The following CSNK1D variants were observed in gnomAD, a reference collection of about 807,000 sequenced individuals.
CSNK1D encodes the protein casein kinase I isoform delta.
A neutral mutation model predicts 46.6 loss-of-function variants in CSNK1D; 16 were observed. The observed-to-expected ratio is 0.34, with a 90% CI of 0.23 to 0.52. The LOEUF is 0.52. CSNK1D is among the 20% of genes least tolerant of loss of function. CSNK1D has a pLI of 0.95. For missense variants in CSNK1D, 398 were observed against 578.4 expected, an observed-to-expected ratio of 0.69 and a Z score of 3.20; for synonymous variants, 276 against 228.2, an observed-to-expected ratio of 1.21 and a Z score of -1.89.
At position 82,267,366 on chromosome 17, in the gene CSNK1D, A is replaced by G. The variant is rs148751805; in HGVS notation, c.77-1570T>C. On this transcript the variant is annotated intron_variant, in intron 1 of 8. Transcript: ENST00000314028. ...AAAAGCAGAGTAAGGTCAAGTGAGC[A>G]CTAGAGCAGTCTGCTGATATCCACA... Among the ~76,000 whole-genome samples the G allele has an allele frequency of 7.2e-5, 11 of 152,330 alleles. No homozygotes were observed. In the East Asian group the frequency reaches 2.1e-3, roughly 29 times the overall value.
chr17:82,266,696 G>T (rs139210119), intron 1 of CSNK1D: 2 of 152,578 alleles, frequency 1.3e-5, no homozygotes, highest in Non-Finnish European at 1.5e-5. Flanking sequence ...CCGAACAGGA[G>T]AGAAAAAGAA....
intron 8 of CSNK1D, chr17:82,247,708 A>G (rs1375756207): frequency 1.1e-5 from 11 of 985,312 alleles, no homozygotes; most frequent in Non-Finnish European, 1.3e-5. Flanking sequence ...TGGAGGTGAC[A>G]GCAGGGTTGT....
rs966967276 is a variant in CSNK1D at position 82,242,891 on chromosome 17, A to C, written c.*1890T>G. ...GAGGCTCGGGCTGGAACCCGGGCGC[A>C]GAGCTGCCTCGCACAAACGTTCTGG... On this transcript the variant is annotated 3_prime_UTR_variant, in exon 9 of 9. Coordinates refer to ENST00000314028, the MANE Select transcript of CSNK1D (RefSeq NM_001893.6). 1.2e-5 allele frequency: 12 copies of C among 985,336 alleles called. No individual in the cohort carries two copies. Among genetic ancestry groups the C allele is most frequent in the African/African-American group, 1.7e-5 (1 of 57,238 alleles). 61.0% of individuals were successfully genotyped at this position (985,336 alleles called of 1,614,324 possible).
intron 2 of CSNK1D, among the ~76,000 whole-genome samples, chr17:82,258,183 G>T (rs1363959773): frequency 6.7e-6 from 1 of 148,588 alleles, no homozygotes; most frequent in Non-Finnish European, 1.5e-5. Context: ...CTCCAGCCTG[G>T]GTGACAGAAT....
chr17:82,240,620 C>T (rs1599566279), downstream of CSNK1D, among the ~76,000 whole-genome samples: 1 of 152,200 alleles, frequency 6.6e-6, no homozygotes, highest in Admixed American at 6.5e-5. Context: ...TCTAGCTCAA[C>T]TGTCACCCCT....
downstream of CSNK1D, among the ~76,000 whole-genome samples, chr17:82,241,264 CG>C (rs2050738694): frequency 6.6e-6 from 1 of 151,828 alleles, no homozygotes; most frequent in South Asian, 2.1e-4. Flanking sequence ...GGGGAGGTGG[CG>C]GGGGAGGCAC....
Position 82,243,340 on chromosome 17 carries a change from G to C in CSNK1D, c.*1441C>G. ...CATCGTGATGGGGTCCAGCCGAAGT[G>C]CCCACGAACACAGACTGCCCTGCGC... On this transcript the variant is annotated 3_prime_UTR_variant, in exon 9 of 9. Coordinates refer to ENST00000314028, the MANE Select transcript of CSNK1D (RefSeq NM_001893.6). 2 of 985,554 alleles carry C rather than the reference G, an allele frequency of 2.0e-6. No individual in the cohort carries two copies. The highest frequency in any genetic ancestry group is 2.4e-6 in the Non-Finnish European group (2 of 830,006). 61.1% of individuals were successfully genotyped at this position (985,554 alleles called of 1,614,324 possible). A position where few individuals can be genotyped will look rare whatever the true frequency, so the allele number is the denominator to read the frequency against.
chr17:82,239,091 G>C (rs968412105), downstream of CSNK1D: 1 of 1,049,628 alleles, frequency 9.5e-7, no homozygotes, highest in Non-Finnish European at 1.3e-6. Context: ...TCCAGCTGCC[G>C]GCCCAGCGGA....
At chr17:82,265,576 C>T (rs2051447821) in intron 2 of CSNK1D, 110 bp downstream of exon 2, 2 of 849,958 alleles carry the variant, frequency 2.4e-6, no homozygotes, top group Admixed American at 3.6e-5. Flanking sequence ...ACACTTCCCT[C>T]CCTTTTGCCC....
intron 2 of CSNK1D, among the ~76,000 whole-genome samples, chr17:82,257,561 T>C (rs571741158): frequency 1.3e-5 from 2 of 152,194 alleles, no homozygotes; most frequent in African/African-American, 4.8e-5. Context: ...CATCACAGGG[T>C]GGTTTCCACA....
At chr17:82,239,596 C>T (rs976563812), downstream of CSNK1D, 7 of 214,514 alleles carry the variant, frequency 3.3e-5, no homozygotes, top group East Asian at 2.0e-4. Context: ...TTCCCTGCAG[C>T]GGCATAGCAT....
chr17:82,264,191 G>C (rs958731127), intron 2 of CSNK1D, among the ~76,000 whole-genome samples: 1 of 152,202 alleles, frequency 6.6e-6, no homozygotes, highest in Non-Finnish European at 1.5e-5. Context: ...GTTTTCCTTT[G>C]GCCAGTTGCC....
chr17:82,270,237 C>T (rs1307241053), intron 1 of CSNK1D, among the ~76,000 whole-genome samples: 1 of 152,206 alleles, frequency 6.6e-6, no homozygotes, highest in Non-Finnish European at 1.5e-5. Context: ...CCTGGCAGGG[C>T]CCTGCAGTGA....
At chr17:82,242,079 T>TGGGGGGGGGGGGGG (rs2050748282), downstream of CSNK1D, among the ~76,000 whole-genome samples, 1 of 45,942 alleles carries the variant, frequency 2.2e-5, no homozygotes. Flanking sequence ...GGAGGGGAGC[T>TGGGGGGGGGGGGGG]GGGAGGGGAG....
At chr17:82,261,609 T>C (rs2051341592) in intron 2 of CSNK1D, among the ~76,000 whole-genome samples, 1 of 152,144 alleles carries the variant, frequency 6.6e-6, no homozygotes, top group Non-Finnish European at 1.5e-5. Flanking sequence ...TTGAAAAAAG[T>C]TTCTTGTAGG....
intron 2 of CSNK1D, among the ~76,000 whole-genome samples, chr17:82,258,472 T>C (rs2051241344): frequency 6.6e-6 from 1 of 152,122 alleles, no homozygotes; most frequent in Non-Finnish European, 1.5e-5. Flanking sequence ...GAGCATCATG[T>C]TAGCACTCAT....
At position 82,252,234 on chromosome 17, in the gene CSNK1D, G is replaced by C. The variant is rs1013488890; in HGVS notation, c.736+200C>G. Among the ~76,000 whole-genome samples the C allele has an allele frequency of 6.6e-6, 1 of 152,184 alleles. No homozygotes were observed. The highest frequency in any genetic ancestry group is 1.5e-5 in the Non-Finnish European group (1 of 68,034). On this transcript the variant is annotated intron_variant, in intron 5 of 8. Coordinates refer to ENST00000314028, the MANE Select transcript of CSNK1D (RefSeq NM_001893.6). The surrounding 1 kb of genome is among the most constrained non-coding windows in gnomAD (Gnocchi z 4.6). ...CCTCCAAGTACTCCCCACGCTGATG[G>C]GCACTTGGCAAGTAAGTCAAGATGA...
rs181531816 is a variant in CSNK1D, at chr17:82,252,643, C to A, written c.566-39G>T. On this transcript the variant is annotated intron_variant, in intron 4 of 8. Coordinates refer to ENST00000314028, the MANE Select transcript of CSNK1D (RefSeq NM_001893.6). This position sits in a 1 kb window ranked among gnomAD's most constrained non-coding sequence, Gnocchi z 4.6. The stretch of plus-strand genomic sequence containing the variant: ...GGAAAGGCGTGAAGAACGGCACTTG[C>A]GTGCTCACGTCAAAGCAAAAGACCC... 2 of 1,598,722 alleles carry A rather than the reference C, an allele frequency of 1.3e-6. No individual in the cohort carries two copies. Among genetic ancestry groups the A allele is most frequent in the Non-Finnish European group, 1.7e-6 (2 of 1,173,618 alleles).
chr17:82,273,642 G>T lies in CSNK1D; in HGVS notation c.-261C>A. 1.8e-6 allele frequency: 1 copy of T among 550,212 alleles called. No individual in the cohort carries two copies. The highest frequency in any genetic ancestry group is 3.2e-6 in the Non-Finnish European group (1 of 314,278). 34.1% of individuals were successfully genotyped at this position (550,212 alleles called of 1,614,324 possible). On this transcript the variant is annotated 5_prime_UTR_variant, in exon 1 of 9. Coordinates refer to ENST00000314028, the MANE Select transcript of CSNK1D (RefSeq NM_001893.6). The surrounding 1 kb of genome is among the most constrained non-coding windows in gnomAD (Gnocchi z 5.1). ...CCTCTCCCCGCCGCGGATGGACTCG[G>T]ATCTTCCGGGCCTAAATCCCCTTTC...
Sources: allele counts gnomAD v4.1 joint callset (sites outside exome capture counted in the v4.1 genomes callset), GRCh38; gene constraint gnomAD v4.1.1; non-coding constraint Gnocchi (gnomAD v3.1); transcripts MANE v1.5; gene names NCBI Gene and HGNC (gene_info 2026-07-23, HGNC 2026-07-21).